Variants in SAMTOR observed in about 807,000 individuals in gnomAD.
The protein encoded by SAMTOR is S-adenosylmethionine sensor upstream of mTORC1, also known as UPF0532 protein C7orf60.
At chr7:112,923,085 G>A in the SAMTOR span, among the ~76,000 whole-genome samples, 1 of 152,244 alleles carries the variant, frequency 6.6e-6, no homozygotes, top group East Asian at 1.9e-4. Flanking sequence ...TGCTATGTCT[G>A]TGTAGAAAGA....
the SAMTOR span, among the ~76,000 whole-genome samples, chr7:112,872,199 T>C: frequency 6.6e-6 from 1 of 152,116 alleles, no homozygotes. Context: ...ACAGCCAATA[T>C]ACTTGATGAA....
At chr7:112,848,958 A>G in the SAMTOR span, among the ~76,000 whole-genome samples, 3 of 152,008 alleles carry the variant, frequency 2.0e-5, no homozygotes, top group African/African-American at 7.2e-5. Context: ...CTGAGGCAAG[A>G]GAATTGCTTT....
chr7:112,880,288 T>C, the SAMTOR span, among the ~76,000 whole-genome samples: 6 of 152,282 alleles, frequency 3.9e-5, no homozygotes, highest in South Asian at 1.2e-3. Context: ...TCAGAAAATG[T>C]AGAGCTTTAG....
At chr7:112,862,510 T>C in the SAMTOR span, among the ~76,000 whole-genome samples, 1 of 152,176 alleles carries the variant, frequency 6.6e-6, no homozygotes, top group Non-Finnish European at 1.5e-5. Flanking sequence ...GTGCCAGGCC[T>C]TGAGACGTAG....
At chr7:112,836,114 A>C in the SAMTOR span, among the ~76,000 whole-genome samples, 1,106 of 152,270 alleles carry the variant, frequency 7.3e-3, 5 homozygotes, top group Middle Eastern at 0.02. Flanking sequence ...GCACTGTATT[A>C]GCATTCCCCT....
the SAMTOR span, chr7:112,821,678 G>C: frequency 7.0e-7 from 1 of 1,430,836 alleles, no homozygotes; most frequent in Admixed American, 2.3e-5. Flanking sequence ...GTTCATGTTA[G>C]TATTTCCAAT....
At chr7:112,911,862 T>C in the SAMTOR span, among the ~76,000 whole-genome samples, 2 of 151,878 alleles carry the variant, frequency 1.3e-5, no homozygotes, top group African/African-American at 2.4e-5. Context: ...ACAACACTAT[T>C]AACCAGCTTG....
At chr7:112,931,766 T>A in the SAMTOR span, among the ~76,000 whole-genome samples, 1 of 152,178 alleles carries the variant, frequency 6.6e-6, no homozygotes, top group Non-Finnish European at 1.5e-5. Flanking sequence ...TATTAGTGTA[T>A]CTACACTTAA....
chr7:112,897,180 G>A, the SAMTOR span, among the ~76,000 whole-genome samples: 2 of 152,142 alleles, frequency 1.3e-5, no homozygotes, highest in East Asian at 1.9e-4. Flanking sequence ...GGGGACGAGT[G>A]CAAAGGGGTA....
the SAMTOR span, among the ~76,000 whole-genome samples, chr7:112,922,185 T>C: frequency 8.5e-5 from 13 of 152,342 alleles, no homozygotes; most frequent in Non-Finnish European, 1.8e-4. Context: ...CTCCAGCTCC[T>C]AACCGCGAGT....
the SAMTOR span, among the ~76,000 whole-genome samples, chr7:112,918,659 G>C: frequency 6.6e-6 from 1 of 152,116 alleles, no homozygotes; most frequent in Admixed American, 6.6e-5. Context: ...TGGCAAATTG[G>C]ATAAAGAGTC....
chr7:112,924,446 A>T, the SAMTOR span, among the ~76,000 whole-genome samples: 3 of 152,312 alleles, frequency 2.0e-5, no homozygotes, highest in African/African-American at 7.2e-5. Flanking sequence ...TGAAAACCAA[A>T]CTATTAGCCC....
At chr7:112,896,128 T>C in the SAMTOR span, among the ~76,000 whole-genome samples, 4 of 152,210 alleles carry the variant, frequency 2.6e-5, no homozygotes, top group Non-Finnish European at 5.9e-5. Context: ...AGTAGACAGA[T>C]AACCCAACAG....
chr7:112,873,738 T>C, the SAMTOR span, among the ~76,000 whole-genome samples: 1 of 152,084 alleles, frequency 6.6e-6, no homozygotes, highest in Admixed American at 6.6e-5. Context: ...CTAAAGAGCT[T>C]CTGCACCGCA....
At chr7:112,896,790 G>A in the SAMTOR span, among the ~76,000 whole-genome samples, 1 of 152,096 alleles carries the variant, frequency 6.6e-6, no homozygotes, top group African/African-American at 2.4e-5. Context: ...TATAAATAAA[G>A]TACCTAACCC....
At chr7:112,911,031 C>G in the SAMTOR span, among the ~76,000 whole-genome samples, 2 of 152,086 alleles carry the variant, frequency 1.3e-5, no homozygotes, top group Admixed American at 1.3e-4. Flanking sequence ...TGAAATGGTA[C>G]CTGGGCTGCA....
At chr7:112,830,025 T>C in the SAMTOR span, among the ~76,000 whole-genome samples, 2 of 152,008 alleles carry the variant, frequency 1.3e-5, no homozygotes, top group Admixed American at 6.6e-5. Context: ...TCTATGGCTT[T>C]CTTATTTTCA....
the SAMTOR span, among the ~76,000 whole-genome samples, chr7:112,844,536 T>C: frequency 6.6e-6 from 1 of 152,012 alleles, no homozygotes; most frequent in Non-Finnish European, 1.5e-5. Flanking sequence ...CCTAGGAATA[T>C]GGCTAACCCG....
chr7:112,872,725 A>T, the SAMTOR span, among the ~76,000 whole-genome samples: 2 of 152,126 alleles, frequency 1.3e-5, no homozygotes, highest in Non-Finnish European at 2.9e-5. Flanking sequence ...TTCTTCAGAA[A>T]ATTCTAGAGA....
Sources: gnomAD v4.1 joint callset for allele counts (sites outside exome capture counted in the v4.1 genomes callset) on GRCh38, gnomAD v4.1.1 for gene constraint, MANE v1.5 for transcripts, NCBI Gene and HGNC (gene_info 2026-07-23, HGNC 2026-07-21) for gene names.